Variants in UTRN observed in about 807,000 individuals in gnomAD.
The protein encoded by UTRN is dystrophin-related protein 1.
UTRN carries 283 observed loss-of-function variants against 463.9 expected under a neutral mutation model. That is an observed-to-expected ratio of 0.61 (90% CI 0.55 to 0.67). The LOEUF (loss-of-function observed/expected upper bound fraction) is 0.67, where lower values mean the gene tolerates loss of function less well. UTRN is among the 30% of genes least tolerant of loss of function. The pLI is 0.00. For missense variants in UTRN, 3,922 were observed against 4,084.3 expected, an observed-to-expected ratio of 0.96 and a Z score of 1.08; for synonymous variants, 1,442 against 1,431.5, an observed-to-expected ratio of 1.01 and a Z score of -0.17.
chr6:144,659,356 C>G (rs898681428), intron 51 of UTRN, among the ~76,000 whole-genome samples: 2 of 152,190 alleles, frequency 1.3e-5, no homozygotes, highest in African/African-American at 4.8e-5. Flanking sequence ...AAGTTGATTA[C>G]CACACTGCTG....
In UTRN at chr6:144,771,915, C is replaced by T; in HGVS notation, c.8504C>T (p.Thr2835Ile). Residue 2835 changes from threonine to isoleucine, a missense_variant, in exon 59 of 75, where the codon ACA (threonine) becomes ATA (isoleucine). This residue lies in a region of UTRN where 1,309 missense variants were observed against 1,452.6 expected (regional missense o/e 0.90). Coordinates refer to ENST00000367545, the MANE Select transcript of UTRN (RefSeq NM_007124.3). Reference protein sequence around the residue: ...NKVPYYINHQTQTTCWDHPKM... With the variant: ...NKVPYYINHQIQTTCWDHPKM... ...TTACCTTTTTTTTCCAGCCATCAAA[C>T]ACAGACCACCTGTTGGGACCATCCT... The T allele has an allele frequency of 1.3e-6, 2 of 1,547,592 alleles. No homozygotes were observed. Among genetic ancestry groups the T allele is most frequent in the Non-Finnish European group, 8.7e-7 (1 of 1,143,364 alleles).
At chr6:144,494,551 G>A (rs573479377) in intron 33 of UTRN, among the ~76,000 whole-genome samples, 4 of 152,266 alleles carry the variant, frequency 2.6e-5, no homozygotes, top group South Asian at 2.1e-4. Flanking sequence ...CTGCTGGCTC[G>A]CGCAGCCTGC....
intron 45 of UTRN, among the ~76,000 whole-genome samples, chr6:144,542,282 CAG>C (rs1485922878): frequency 6.6e-6 from 1 of 152,136 alleles, no homozygotes; most frequent in Non-Finnish European, 1.5e-5. Flanking sequence ...ATCTAGTTCA[CAG>C]AGAGGGCTGG....
At chr6:144,307,251 C>G (rs1038645613) in intron 2 of UTRN, among the ~76,000 whole-genome samples, 2 of 152,144 alleles carry the variant, frequency 1.3e-5, no homozygotes, top group Non-Finnish European at 2.9e-5. Flanking sequence ...CAGTTGTTGA[C>G]TGTATTTATC....
intron 2 of UTRN, chr6:144,398,540 C>T (rs1043303328): frequency 7.6e-6 from 2 of 262,246 alleles, no homozygotes; most frequent in Non-Finnish European, 7.6e-6. Flanking sequence ...ATATCAGGAT[C>T]ATTATCTTTA....
intron 33 of UTRN, among the ~76,000 whole-genome samples, chr6:144,495,517 G>C (rs572160116): frequency 1.7e-3 from 261 of 152,312 alleles, no homozygotes; most frequent in African/African-American, 5.8e-3. Flanking sequence ...TCCCGCTCGC[G>C]CCTCTCCCTC....
intron 55 of UTRN, 134 bp from the exon 56 acceptor site, chr6:144,751,672 C>A (rs546442917): frequency 1.3e-4 from 102 of 771,550 alleles, no homozygotes; most frequent in Non-Finnish European, 1.8e-4. Context: ...ATAAATGGAC[C>A]CAGGAAGTTT....
intron 47 of UTRN, among the ~76,000 whole-genome samples, chr6:144,550,678 G>A (rs1798828087): frequency 6.6e-6 from 1 of 152,144 alleles, no homozygotes; most frequent in Non-Finnish European, 1.5e-5. Flanking sequence ...CCTCAGACTG[G>A]ATGTAATTGA....
intron 51 of UTRN, among the ~76,000 whole-genome samples, chr6:144,612,018 G>A (rs1216471891): frequency 1.3e-5 from 2 of 152,054 alleles, no homozygotes; most frequent in Non-Finnish European, 2.9e-5. Flanking sequence ...AAATCGGCAT[G>A]CAATTCCACG....
chr6:144,470,744 ACT>A (rs1562450068), intron 23 of UTRN, among the ~76,000 whole-genome samples: 1 of 151,976 alleles, frequency 6.6e-6, no homozygotes, highest in Admixed American at 6.5e-5. Flanking sequence ...AACATTGAGC[ACT>A]GAGTGAGTGA....
intron 33 of UTRN, 33 bp downstream of exon 33, chr6:144,493,489 GTCTCTCTCTCTCTCTCTCTCAATC>G: frequency 5.3e-6 from 8 of 1,510,672 alleles, no homozygotes; most frequent in Non-Finnish European, 7.2e-6. Flanking sequence ...TCATCTCTCT[GTCTCTCTCTCTCTCTCTCTCAATC>G]TCTCTCTCTC....
chr6:144,782,074 C>T lies in UTRN; in HGVS notation c.8785C>T (p.Pro2929Ser). ...EQMHKDLVNV[P>S]LCVDMCLNWL... ...AATGCATAAGGACCTGGTCAACGTTCCACTCTGTGTTGATATGTGTCTCAA... is the reference window on the plus strand; with the variant it reads ...AATGCATAAGGACCTGGTCAACGTTTCACTCTGTGTTGATATGTGTCTCAA... Residue 2929 changes from proline to serine, a missense_variant, in exon 61 of 75, where the codon CCA becomes TCA. Around this residue, in one of 3 missense-constraint regions of UTRN, gnomAD observed 1,309 missense variants for 1,452.6 expected, o/e 0.90. Coordinates refer to ENST00000367545, the MANE Select transcript of UTRN (RefSeq NM_007124.3). 1 of 1,613,904 alleles carries T rather than the reference C, an allele frequency of 6.2e-7. No homozygotes were observed. The highest frequency in any genetic ancestry group is 8.5e-7 in the Non-Finnish European group (1 of 1,179,920).
chr6:144,589,835 G>T (rs1416486383), intron 51 of UTRN, among the ~76,000 whole-genome samples: 1 of 151,844 alleles, frequency 6.6e-6, no homozygotes, highest in Non-Finnish European at 1.5e-5. Flanking sequence ...GTCTATAATG[G>T]ATGTTTTATT....
intron 46 of UTRN, among the ~76,000 whole-genome samples, chr6:144,543,664 C>T (rs1798169206): frequency 6.6e-6 from 1 of 152,110 alleles, no homozygotes; most frequent in Non-Finnish European, 1.5e-5. Flanking sequence ...CTTTCTACCT[C>T]TTCTCTCGTC....
In UTRN at chr6:144,487,662, G is replaced by C; in HGVS notation, c.3937G>C (p.Ala1313Pro). 6.2e-7 allele frequency: 1 copy of C among 1,612,484 alleles called. No homozygotes were observed. Among genetic ancestry groups the C allele is most frequent in the Non-Finnish European group, 8.5e-7 (1 of 1,179,112 alleles). ...TGATATAATCAGTGAGAAACTGGAG[G>C]CTTTCAACAGCCGATATGAAGATCT... ...LDDIISEKLE[A>P]FNSRYEDLSH... is the part of the protein sequence containing the mutation. Residue 1313 changes from alanine to proline, a missense_variant, in exon 29 of 75, where the codon GCT (alanine) becomes CCT (proline). Physicochemically the swap from Ala to Pro is conservative, Grantham distance 27. Around this residue, in one of 3 missense-constraint regions of UTRN, gnomAD observed 2,349 missense variants for 2,303.8 expected, o/e 1.02. Transcript: ENST00000367545.
chr6:144,735,685 C>T (rs1188892549), intron 54 of UTRN, among the ~76,000 whole-genome samples: 1 of 151,880 alleles, frequency 6.6e-6, no homozygotes, highest in Non-Finnish European at 1.5e-5. Flanking sequence ...TAGGACTTTG[C>T]GAAGTTTATA....
chr6:144,642,790 G>A (rs1241844098), intron 51 of UTRN, among the ~76,000 whole-genome samples: 1 of 152,006 alleles, frequency 6.6e-6, no homozygotes, highest in African/African-American at 2.4e-5. Flanking sequence ...ATATTGGTAT[G>A]GTTTTTTAAT....
intron 2 of UTRN, among the ~76,000 whole-genome samples, chr6:144,392,998 GCCAT>G (rs58099859): frequency 0.16 from 24,245 of 150,062 alleles, 2,167 homozygotes; most frequent in East Asian, 0.24. Flanking sequence ...GTGTCCAGCT[GCCAT>G]CCATCCATCC....
At chr6:144,845,188 C>T (rs1385593025) in intron 73 of UTRN, among the ~76,000 whole-genome samples, 1 of 152,132 alleles carries the variant, frequency 6.6e-6, no homozygotes, top group East Asian at 1.9e-4. Flanking sequence ...TCCTTCACTT[C>T]CTGGCAAGGA....
Sources: gnomAD v4.1 joint callset for allele counts (sites outside exome capture counted in the v4.1 genomes callset) on GRCh38, gnomAD v4.1.1 for gene constraint, gnomAD v4.1.1 regional missense constraint, MANE v1.5 for transcripts, NCBI Gene and HGNC (gene_info 2026-07-23, HGNC 2026-07-21) for gene names.